Variants in PRKCE observed in about 807,000 individuals in gnomAD.
PRKCE encodes the protein protein kinase C epsilon type.
A neutral mutation model predicts 85.4 loss-of-function variants in PRKCE; 16 were observed. The ratio of observed to expected loss-of-function variants is 0.19; its 90% CI spans 0.13 to 0.28. PRKCE has a LOEUF of 0.28. Ranked by LOEUF, PRKCE falls within the 10% of genes least tolerant of loss-of-function variation. PRKCE has a pLI of 1.00. For synonymous variants in PRKCE, 388 were observed against 371.5 expected (o/e 1.04, Z -0.51); for missense variants, 573 against 975.2 (o/e 0.59, Z 5.49).
At chr2:45,653,097 G>A (rs553434961) in intron 1 of PRKCE, among the ~76,000 whole-genome samples, 10 of 152,308 alleles carry the variant, frequency 6.6e-5, no homozygotes, top group African/African-American at 2.4e-4. Context: ...TGCATTTTAA[G>A]AAGGGTTCTG....
At chr2:45,666,347 C>G (rs1675911085) in intron 1 of PRKCE, among the ~76,000 whole-genome samples, 1 of 151,952 alleles carries the variant, frequency 6.6e-6, no homozygotes, top group Admixed American at 6.6e-5. Context: ...TCAGAACCCA[C>G]CATTGTCTCC....
chr2:45,753,402 C>T (rs903491440), intron 1 of PRKCE, among the ~76,000 whole-genome samples: 8 of 152,208 alleles, frequency 5.3e-5, no homozygotes, highest in Non-Finnish European at 1.0e-4. Context: ...AAGTACTAGA[C>T]TGAAACTAAA....
intron 2 of PRKCE, among the ~76,000 whole-genome samples, chr2:45,973,758 C>A (rs1702256849): frequency 1.3e-5 from 2 of 152,220 alleles, no homozygotes. Flanking sequence ...CGATTGGTTT[C>A]ATTGCTCGTC....
chr2:45,713,188 T>C (rs1679811216), intron 1 of PRKCE, among the ~76,000 whole-genome samples: 3 of 152,160 alleles, frequency 2.0e-5, no homozygotes, highest in Non-Finnish European at 4.4e-5. Flanking sequence ...GATGCTTATT[T>C]AAGAATGTGT....
At chr2:45,976,729 T>A (rs192735391) in intron 3 of PRKCE, 141 bp downstream of exon 3, 2 of 1,065,346 alleles carry the variant, frequency 1.9e-6, no homozygotes, top group Admixed American at 2.4e-5. Flanking sequence ...GGGACTATTA[T>A]GGAAGGCTAA....
intron 1 of PRKCE, among the ~76,000 whole-genome samples, chr2:45,752,519 T>C (rs905209641): frequency 2.6e-5 from 4 of 152,012 alleles, no homozygotes; most frequent in Non-Finnish European, 5.9e-5. Flanking sequence ...GTGCATTCAT[T>C]GGTTGTATGA....
intron 10 of PRKCE, among the ~76,000 whole-genome samples, chr2:46,040,684 T>C (rs542475407): frequency 6.6e-6 from 1 of 152,236 alleles, no homozygotes; most frequent in South Asian, 2.1e-4. Flanking sequence ...TGAGCTAGAG[T>C]TTAGAATTTT....
intron 1 of PRKCE, among the ~76,000 whole-genome samples, chr2:45,694,822 C>G (rs1678012202): frequency 6.6e-6 from 1 of 152,142 alleles, no homozygotes; most frequent in Non-Finnish European, 1.5e-5. Flanking sequence ...GGATGGTAAT[C>G]AGGTAGGACA....
intron 1 of PRKCE, among the ~76,000 whole-genome samples, chr2:45,744,576 T>TCC (rs755624949): frequency 1.6e-5 from 2 of 124,146 alleles, no homozygotes; most frequent in African/African-American, 5.8e-5. Context: ...CTTCCTTCCT[T>TCC]TCTTTTTCTT....
At chr2:45,667,065 CTT>C (rs1675946962) in intron 1 of PRKCE, among the ~76,000 whole-genome samples, 1 of 152,142 alleles carries the variant, frequency 6.6e-6, no homozygotes, top group South Asian at 2.1e-4. Flanking sequence ...AATCCCAGCA[CTT>C]TGGGAGGCCG....
intron 2 of PRKCE, among the ~76,000 whole-genome samples, chr2:45,851,264 A>G (rs962929563): frequency 4.6e-5 from 7 of 152,240 alleles, no homozygotes; most frequent in Admixed American, 4.6e-4. Flanking sequence ...TATTTGATTG[A>G]CCACAATTTG....
chr2:46,042,243 A>T (rs1708256682), intron 10 of PRKCE, among the ~76,000 whole-genome samples: 1 of 152,216 alleles, frequency 6.6e-6, no homozygotes, highest in Admixed American at 6.5e-5. Flanking sequence ...TCCACAGCTG[A>T]CACACAGTCT....
chr2:46,056,170 T>C (rs527950085), intron 10 of PRKCE, among the ~76,000 whole-genome samples: 1 of 152,300 alleles, frequency 6.6e-6, no homozygotes, highest in East Asian at 1.9e-4. Flanking sequence ...AGCTGTTCAC[T>C]GTTGCCATTT....
intron 1 of PRKCE, chr2:45,677,951 G>C (rs1572913729): frequency 1.1e-6 from 1 of 910,908 alleles, no homozygotes; most frequent in East Asian, 1.2e-4. Flanking sequence ...CTGCCCTTTT[G>C]TCTGCCACTG....
At chr2:46,151,868 A>G (rs988204671) in intron 13 of PRKCE, among the ~76,000 whole-genome samples, 8 of 152,368 alleles carry the variant, frequency 5.3e-5, no homozygotes, top group Admixed American at 4.6e-4. Context: ...CGATGTAACA[A>G]TGCTTGTACT....
intron 1 of PRKCE, among the ~76,000 whole-genome samples, chr2:45,665,008 C>A (rs1010054684): frequency 7.9e-5 from 12 of 152,214 alleles, no homozygotes; most frequent in African/African-American, 2.9e-4. Context: ...GAGAGCAAAG[C>A]TTTGCTTTCC....
At chr2:45,678,977 A>G (rs1446364604) in intron 1 of PRKCE, among the ~76,000 whole-genome samples, 1 of 152,182 alleles carries the variant, frequency 6.6e-6, no homozygotes, top group African/African-American at 2.4e-5. Flanking sequence ...CACGCAAAAG[A>G]AAGGCTTACA....
At chr2:46,011,222 G>T (rs979224338) in intron 10 of PRKCE, among the ~76,000 whole-genome samples, 1 of 152,254 alleles carries the variant, frequency 6.6e-6, no homozygotes, top group Non-Finnish European at 1.5e-5. Flanking sequence ...ATGGATGTTT[G>T]TAGTATTTTG....
At chr2:45,758,467 C>T (rs1684185436) in intron 1 of PRKCE, among the ~76,000 whole-genome samples, 1 of 152,174 alleles carries the variant, frequency 6.6e-6, no homozygotes, top group Non-Finnish European at 1.5e-5. Context: ...CTAGCTTGTC[C>T]CTACCTCAGA....
Sources: allele counts gnomAD v4.1 joint callset (sites outside exome capture counted in the v4.1 genomes callset), GRCh38; gene constraint gnomAD v4.1.1; transcripts MANE v1.5; gene names NCBI Gene and HGNC (gene_info 2026-07-23, HGNC 2026-07-21).